MYO5A: variants seen among roughly 807,000 people sequenced by gnomAD.
MYO5A encodes the protein myosin VA.
MYO5A carries 98 observed loss-of-function variants against 249.7 expected under a neutral mutation model. The ratio of observed to expected loss-of-function variants is 0.39; its 90% CI spans 0.33 to 0.46. The LOEUF is 0.46. MYO5A is among the 20% of genes least tolerant of loss of function. The pLI, the probability that MYO5A is intolerant of heterozygous loss-of-function variation, is 0.98. For synonymous variants in MYO5A, 778 were observed against 810.6 expected (o/e 0.96, Z 0.68); for missense variants, 1,696 against 2,308.8 (o/e 0.73, Z 5.44).
rs2042957636 is a variant in MYO5A, at chr15:52,405,330, T to C, written c.1010A>G (p.Asn337Ser). The C allele has an allele frequency of 1.9e-6, 3 of 1,613,848 alleles. No individual in the cohort carries two copies. The highest frequency in any genetic ancestry group is 1.1e-5 in the South Asian group (1 of 91,090). ...RILAGILHLG[N>S]VGFTSRDADS... ...TGCATCTCGGGATGTAAATCCAACA[T>C]TGCCTAAGTGAAGGATGCCAGCAAG... The change falls in exon 9 of 42, where the codon AAT (asparagine) becomes AGT (serine). Residue 337 changes from asparagine (N) to serine (S), a missense_variant. Asn to Ser is a conservative substitution (Grantham distance 46). This residue lies in a region of MYO5A where 185 missense variants were observed against 204.8 expected (regional missense o/e 0.90). Coordinates refer to ENST00000399233, the MANE Select transcript of MYO5A (RefSeq NM_001382347.1).
chr15:52,376,397 C>T lies in MYO5A; in HGVS notation c.2370G>A (p.Arg790=). Reference sequence around the variant, plus strand: ...ATCTCTGCATGGTGATGGCTGCCTTCCGCATGCGTAGGTACTTCTTTCTCA... The same window carrying T: ...ATCTCTGCATGGTGATGGCTGCCTTTCGCATGCGTAGGTACTTCTTTCTCA... ...WLLRKKYLRM[R]KAAITMQRYV... The change falls in exon 19 of 42, where the codon CGG becomes CGA. Residue 790 remains arginine (R), a synonymous_variant. Coordinates refer to ENST00000399233, the MANE Select transcript of MYO5A (RefSeq NM_001382347.1). The T allele has an allele frequency of 6.2e-7, 1 of 1,614,160 alleles. No individual in the cohort carries two copies. The highest frequency in any genetic ancestry group is 8.5e-7 in the Non-Finnish European group (1 of 1,180,016).
intron 1 of MYO5A, among the ~76,000 whole-genome samples, chr15:52,433,731 T>C (rs1272510373): frequency 6.6e-6 from 1 of 152,084 alleles, no homozygotes. Flanking sequence ...TGAAATTTAC[T>C]TTTTAAATTA....
At chr15:52,340,524 A>T (rs894422076) in intron 31 of MYO5A, 130 bp from the exon 32 acceptor site, 3 of 798,784 alleles carry the variant, frequency 3.8e-6, no homozygotes, top group Admixed American at 2.3e-5. Context: ...TTATCTTCTG[A>T]CTTGATTAAA....
At chr15:52,499,587 T>G (rs1322878525) in intron 1 of MYO5A, among the ~76,000 whole-genome samples, 1 of 152,234 alleles carries the variant, frequency 6.6e-6, no homozygotes, top group Non-Finnish European at 1.5e-5. Context: ...TCACACAGTA[T>G]GTGTCTTTTG....
rs1466069270 is a variant in MYO5A, at chr15:52,421,221, AG to A, written c.455+4608del. On this transcript the variant is annotated intron_variant, in intron 4 of 41. Coordinates refer to ENST00000399233, the MANE Select transcript of MYO5A (RefSeq NM_001382347.1). Reference sequence around the variant, plus strand: ...GATTTTGTCATCTCTAATAGTTTGCAGTTAGCCAGTGAACCGCTGGACCGTG... The same window carrying A: ...GATTTTGTCATCTCTAATAGTTTGCATTAGCCAGTGAACCGCTGGACCGTG... Among the ~76,000 whole-genome samples, 5 of 152,350 alleles carry A rather than the reference AG, an allele frequency of 3.3e-5. No homozygotes were observed. The East Asian group carries it at 9.6e-4, about 29-fold the overall frequency.
rs760854320 is a variant in MYO5A at position 52,323,615 on chromosome 15, C to T, written c.4711-171G>A. On this transcript the variant is annotated intron_variant, in intron 36 of 41. Coordinates refer to ENST00000399233, the MANE Select transcript of MYO5A (RefSeq NM_001382347.1). ...TATGTCATTGCTAGCAGAATGTCAG[C>T]GACCAGGTTCATCAGTTTGTTGCTT... The T allele has an allele frequency of 8.8e-6, 5 of 567,092 alleles. No homozygotes were observed. In the East Asian group the frequency reaches 9.8e-5, roughly 11 times the overall value. The allele number at this position is 567,092 out of a possible 1,614,324, so 35.1% of individuals were successfully genotyped here. A position where few individuals can be genotyped will look rare whatever the true frequency, so the allele number is the denominator to read the frequency against.
chr15:52,340,122 T>G, intron 32 of MYO5A, 74 bp downstream of exon 32: 3 of 1,506,668 alleles, frequency 2.0e-6, no homozygotes, highest in Non-Finnish European at 2.8e-6. Flanking sequence ...GAAAAACCCG[T>G]GTTTGATCAA....
rs79940020 is a variant in MYO5A at position 52,313,402 on chromosome 15, C to T, written c.*294G>A. 4,549 of 397,886 alleles carry T rather than the reference C, an allele frequency of 0.011. 176 individuals are homozygous for T. The highest frequency in any genetic ancestry group is 0.086 in the African/African-American group (4,224 of 48,896). The allele number at this position is 397,886 out of a possible 1,614,324, so 24.6% of individuals were successfully genotyped here. On this transcript the variant is annotated 3_prime_UTR_variant, in exon 42 of 42. Coordinates refer to ENST00000399233, the MANE Select transcript of MYO5A (RefSeq NM_001382347.1). ...AAATAAATGCTGCCAGCTGAAGACA[C>T]ATTTTTCTCCTCCTTTCCTTCCTCC...
chr15:52,508,413 AAAAC>A (rs1282777475), intron 1 of MYO5A, among the ~76,000 whole-genome samples: 1 of 152,156 alleles, frequency 6.6e-6, no homozygotes, highest in Non-Finnish European at 1.5e-5. Flanking sequence ...CTAACCTGAC[AAAAC>A]AAACCACCAA....
At chr15:52,454,750 G>A (rs1379337986) in intron 1 of MYO5A, among the ~76,000 whole-genome samples, 1 of 151,956 alleles carries the variant, frequency 6.6e-6, no homozygotes, top group African/African-American at 2.4e-5. Context: ...AATTAAGATG[G>A]AAATTTAAAA....
chr15:52,381,564 T>A (rs994487947), intron 16 of MYO5A, among the ~76,000 whole-genome samples: 1 of 152,212 alleles, frequency 6.6e-6, no homozygotes, highest in African/African-American at 2.4e-5. Flanking sequence ...GGATGTTTAT[T>A]ATAGCATTGT....
chr15:52,503,901 G>A (rs1180650306), intron 1 of MYO5A, among the ~76,000 whole-genome samples: 1 of 152,010 alleles, frequency 6.6e-6, no homozygotes, highest in Non-Finnish European at 1.5e-5. Flanking sequence ...AACTTAACAG[G>A]AATGGGTTAG....
At chr15:52,409,707 G>A (rs991107802) in intron 6 of MYO5A, among the ~76,000 whole-genome samples, 2 of 152,116 alleles carry the variant, frequency 1.3e-5, no homozygotes, top group Non-Finnish European at 2.9e-5. Context: ...GACAGTGTGT[G>A]ATAAACCCAT....
intron 4 of MYO5A, among the ~76,000 whole-genome samples, chr15:52,418,184 T>A (rs2043606908): frequency 6.6e-6 from 1 of 152,152 alleles, no homozygotes; most frequent in African/African-American, 2.4e-5. Flanking sequence ...TAATGACAGA[T>A]TTATGATTTC....
chr15:52,513,708 G>T (rs936534607), intron 1 of MYO5A, among the ~76,000 whole-genome samples: 5 of 152,062 alleles, frequency 3.3e-5, no homozygotes, highest in Non-Finnish European at 7.4e-5. Flanking sequence ...AGGGATTATA[G>T]GCATGAGCCA....
chr15:52,366,748 T>C (rs557792370), intron 23 of MYO5A, among the ~76,000 whole-genome samples: 9 of 151,320 alleles, frequency 5.9e-5, no homozygotes, highest in African/African-American at 9.7e-5. Flanking sequence ...AAATCACACA[T>C]GCAGAACAAA....
intron 1 of MYO5A, among the ~76,000 whole-genome samples, chr15:52,474,237 T>C (rs186691695): frequency 1.3e-5 from 2 of 152,356 alleles, no homozygotes; most frequent in Admixed American, 1.3e-4. Flanking sequence ...TGCACACGGA[T>C]TTTGTATCCT....
At chr15:52,504,947 A>T (rs1035995344) in intron 1 of MYO5A, among the ~76,000 whole-genome samples, 1 of 152,064 alleles carries the variant, frequency 6.6e-6, no homozygotes, top group African/African-American at 2.4e-5. Context: ...AGGAGTTTGT[A>T]TCCTTAACAA....
intron 24 of MYO5A, among the ~76,000 whole-genome samples, chr15:52,363,367 T>G (rs779108957): frequency 6.6e-6 from 1 of 152,228 alleles, no homozygotes; most frequent in African/African-American, 2.4e-5. Flanking sequence ...ACAGTTATAA[T>G]GGTGACTTGC....
Sources: allele counts gnomAD v4.1 joint callset (sites outside exome capture counted in the v4.1 genomes callset), GRCh38; gene constraint gnomAD v4.1.1; regional missense constraint gnomAD v4.1.1; transcripts MANE v1.5; gene names NCBI Gene and HGNC (gene_info 2026-07-23, HGNC 2026-07-21).